CCN4: variants seen among roughly 807,000 people sequenced by gnomAD.
CCN4 encodes CCN family member 4.
CCN4 carries 30 observed loss-of-function variants against 36.7 expected under a neutral mutation model. The observed-to-expected ratio is 0.82, with a 90% CI of 0.61 to 1.11. CCN4 has a LOEUF of 1.11. CCN4 is among the 50% of genes least tolerant of loss of function. The pLI, the probability that CCN4 is intolerant of heterozygous loss-of-function variation, is 0.00. For synonymous variants in CCN4, 191 were observed against 195.4 expected, an observed-to-expected ratio of 0.98 and a Z score of 0.19; for missense variants, 505 against 504.9, an observed-to-expected ratio of 1.00 and a Z score of 0.00.
rs147688784 is a variant in CCN4, at chr8:133,231,419, T to G, written c.*3709T>G. 6.6e-5 allele frequency: 10 copies of G among 152,350 alleles called. No individual in the cohort carries two copies. The East Asian group carries it at 1.9e-3, about 29-fold the overall frequency. The allele number at this position is 152,350 out of a possible 1,614,324, so 9.4% of individuals were successfully genotyped here. On this transcript the variant is annotated 3_prime_UTR_variant, in exon 5 of 5. Coordinates refer to ENST00000250160, the MANE Select transcript of CCN4 (RefSeq NM_003882.4). The stretch of plus-strand genomic sequence containing the variant: ...AAAAACTACACATGAGGAAACGTCT[T>G]AGAATTTTCCAATAGAGGAAAAATA...
At position 133,227,407 on chromosome 8, in the gene CCN4, T is replaced by C. The variant is rs376555467; in HGVS notation, c.805-4T>C. 2.0e-4 allele frequency: 327 copies of C among 1,603,730 alleles called. 1 individual carries two copies. The highest frequency in any genetic ancestry group is 2.6e-4 in the Non-Finnish European group (306 of 1,173,792). ...CCACTGAAAGCTCCTTTCCTTTCCT[T>C]CAGGCAGGGAAGAAGTGTCTGGCTG... On this transcript the variant is annotated splice_region_variant and splice_polypyrimidine_tract_variant and intron_variant, in intron 4 of 4. Coordinates refer to ENST00000250160, the MANE Select transcript of CCN4 (RefSeq NM_003882.4).
At chr8:133,191,585 G>T (rs560569473) in intron 1 of CCN4, among the ~76,000 whole-genome samples, 28 of 152,252 alleles carry the variant, frequency 1.8e-4, no homozygotes, top group Middle Eastern at 6.8e-3. Flanking sequence ...CACCCTCCAG[G>T]AGCAGCGTAA....
intron 1 of CCN4, among the ~76,000 whole-genome samples, chr8:133,201,581 C>T (rs1472182455): frequency 6.6e-6 from 1 of 152,150 alleles, no homozygotes; most frequent in Non-Finnish European, 1.5e-5. Context: ...GTAGCTCATG[C>T]TTGTAATCCC....
At chr8:133,194,486 G>GT in intron 1 of CCN4, among the ~76,000 whole-genome samples, 3 of 99,984 alleles carry the variant, frequency 3.0e-5, no homozygotes, top group Admixed American at 1.0e-4. Flanking sequence ...TGTGTGGTGG[G>GT]GGGTGTGGTG....
chr8:133,219,025 T>C lies in CCN4; in HGVS notation c.350-1556T>C, dbSNP rs76928956. Among the ~76,000 whole-genome samples, 882 of 152,292 alleles carry C rather than the reference T, an allele frequency of 5.8e-3. 7 individuals are homozygous for C. The highest frequency in any genetic ancestry group is 0.024 in the East Asian group (122 of 5,176). On this transcript the variant is annotated intron_variant, in intron 2 of 4. Coordinates refer to ENST00000250160, the MANE Select transcript of CCN4 (RefSeq NM_003882.4). ...TCTGGAAGCCGAGCTCTTCTCTTTC[T>C]GGCTTCAGACCGCTCTCTCCCACCT...
chr8:133,205,651 G>A (rs898331687), intron 1 of CCN4, among the ~76,000 whole-genome samples: 2 of 152,120 alleles, frequency 1.3e-5, no homozygotes, highest in Admixed American at 6.5e-5. Flanking sequence ...GGGGAAAACA[G>A]GAATAGCTTC....
chr8:133,223,548 CTCT>C (rs557145335), intron 3 of CCN4, among the ~76,000 whole-genome samples: 148 of 152,214 alleles, frequency 9.7e-4, no homozygotes, highest in Non-Finnish European at 1.6e-3. Flanking sequence ...AGTTAGATTT[CTCT>C]TCTTTTCTGT....
At position 133,220,563 on chromosome 8, in the gene CCN4, G is replaced by C. The variant is rs372981572; in HGVS notation, c.350-18G>C. Reference sequence around the variant, plus strand: ...GGCACCAAGGCCACTGGGCCTGACCGGCCACCTGTGTTTGCAGAGGTGGTC... The same window carrying C: ...GGCACCAAGGCCACTGGGCCTGACCCGCCACCTGTGTTTGCAGAGGTGGTC... On this transcript the variant is annotated intron_variant, in intron 2 of 4. Coordinates refer to ENST00000250160, the MANE Select transcript of CCN4 (RefSeq NM_003882.4). 6.2e-7 allele frequency: 1 copy of C among 1,604,984 alleles called. No individual in the cohort carries two copies. The highest frequency in any genetic ancestry group is 2.2e-5 in the East Asian group (1 of 44,566).
intron 1 of CCN4, among the ~76,000 whole-genome samples, chr8:133,193,048 G>T (rs918575053): frequency 5.3e-5 from 8 of 152,318 alleles, no homozygotes; most frequent in African/African-American, 1.9e-4. Context: ...GGTGTGCACG[G>T]CACTGGAGTT....
intron 3 of CCN4, among the ~76,000 whole-genome samples, chr8:133,224,015 G>A (rs545529535): frequency 6.8e-6 from 1 of 147,606 alleles, no homozygotes; most frequent in African/African-American, 2.5e-5. Context: ...AAGGGCTTTA[G>A]CTTACTAAAG....
rs1854129087 is a variant in CCN4, at chr8:133,213,177, C to T, written c.349+34C>T. The T allele has an allele frequency of 3.2e-6, 5 of 1,573,718 alleles. No individual in the cohort carries two copies. The East Asian group carries it at 9.1e-5, about 29-fold the overall frequency. Reference sequence around the variant, plus strand: ...GTCCTCCATACCTTCTGACCAGCCCCTGAGCACCCCCAGCTCTGGCCCCAA... The same window carrying T: ...GTCCTCCATACCTTCTGACCAGCCCTTGAGCACCCCCAGCTCTGGCCCCAA... On this transcript the variant is annotated intron_variant, in intron 2 of 4. Transcript: ENST00000250160.
chr8:133,203,684 T>G (rs1038225865), intron 1 of CCN4, among the ~76,000 whole-genome samples: 3 of 151,700 alleles, frequency 2.0e-5, no homozygotes, highest in Non-Finnish European at 2.9e-5. Flanking sequence ...TCAAATGGGG[T>G]CCCCTCATTG....
chr8:133,213,281 G>C, intron 2 of CCN4, 138 bp downstream of exon 2: 2 of 1,098,578 alleles, frequency 1.8e-6, no homozygotes, highest in Non-Finnish European at 2.6e-6. Flanking sequence ...CATGATCAGA[G>C]GCCAGAGGCT....
chr8:133,201,437 T>A (rs565358463), intron 1 of CCN4, among the ~76,000 whole-genome samples: 15 of 152,352 alleles, frequency 9.8e-5, no homozygotes, highest in Middle Eastern at 3.4e-3. Context: ...ATTGGTGTGA[T>A]AATTGCATGG....
At position 133,217,936 on chromosome 8, in the gene CCN4, C is replaced by CCACACACACA. The variant is rs58105917; in HGVS notation, c.350-2629_350-2620dup. Among the ~76,000 whole-genome samples the CCACACACACA allele has an allele frequency of 4.8e-3, 693 of 144,526 alleles. 7 individuals carry two copies. The highest frequency in any genetic ancestry group is 0.017 in the African/African-American group (640 of 37,498). 94.8% of individuals were successfully genotyped at this position (144,526 alleles called of 152,430 possible). A position where few individuals can be genotyped will look rare whatever the true frequency, so the allele number is the denominator to read the frequency against. Reference sequence around the variant, plus strand: ...TTCCGGGCTTAGCCCACTCCCTTCTCCACACACACACACACACACACACAC... The same window carrying CCACACACACA: ...TTCCGGGCTTAGCCCACTCCCTTCTCCACACACACACACACACACACACACACACACACAC... On this transcript the variant is annotated intron_variant, in intron 2 of 4. Transcript: ENST00000250160.
Position 133,231,488 on chromosome 8 carries a change from C to T in CCN4, c.*3778C>T, listed in dbSNP as rs1173389999. 5 of 152,160 alleles carry T rather than the reference C, an allele frequency of 3.3e-5. No individual in the cohort carries two copies. Among genetic ancestry groups the T allele is most frequent in the African/African-American group, 1.2e-4 (5 of 41,436 alleles). 9.4% of individuals were successfully genotyped at this position (152,160 alleles called of 1,614,324 possible). On this transcript the variant is annotated 3_prime_UTR_variant, in exon 5 of 5. Transcript: ENST00000250160. Reference sequence around the variant, plus strand: ...ATGTTTCACAACAGTTCTCATTTTTCTCATGATTTGTGTAGCGTGGAATGT... The same window carrying T: ...ATGTTTCACAACAGTTCTCATTTTTTTCATGATTTGTGTAGCGTGGAATGT...
intron 1 of CCN4, among the ~76,000 whole-genome samples, chr8:133,212,501 C>T (rs1326632895): frequency 6.6e-6 from 1 of 152,116 alleles, no homozygotes; most frequent in Admixed American, 6.5e-5. Flanking sequence ...TCACAGCCAG[C>T]TTCCACCTGC....
chr8:133,211,128 G>C (rs930953530), intron 1 of CCN4, among the ~76,000 whole-genome samples: 1 of 152,150 alleles, frequency 6.6e-6, no homozygotes, highest in African/African-American at 2.4e-5. Context: ...CTCATCCCTG[G>C]TCCTTCAAGG....
In CCN4 at chr8:133,227,318, A is replaced by G. The variant is rs1279543998; in HGVS notation, c.805-93A>G. On this transcript the variant is annotated intron_variant, in intron 4 of 4. Coordinates refer to ENST00000250160, the MANE Select transcript of CCN4 (RefSeq NM_003882.4). ...TGAAAGTAAGGTGGAATGCTCCCAC[A>G]TAGTGAGAAGGGAAAAACTGGGGGC... is the stretch of plus-strand genomic sequence containing the variant. The G allele has an allele frequency of 1.8e-5, 25 of 1,358,028 alleles. No individual in the cohort carries two copies. The South Asian group carries it at 3.3e-4, about 18-fold the overall frequency. 84.1% of individuals were successfully genotyped at this position (1,358,028 alleles called of 1,614,324 possible). A position where few individuals can be genotyped will look rare whatever the true frequency, so the allele number is the denominator to read the frequency against.
Sources: gnomAD v4.1 joint callset for allele counts (sites outside exome capture counted in the v4.1 genomes callset) on GRCh38, gnomAD v4.1.1 for gene constraint, MANE v1.5 for transcripts, NCBI Gene and HGNC (gene_info 2026-07-23, HGNC 2026-07-21) for gene names.